Variants in TEF observed in about 807,000 individuals in gnomAD.
TEF encodes the protein TEF transcription factor, PAR bZIP family member.
TEF carries 3 observed loss-of-function variants against 20.8 expected under a neutral mutation model. That is an observed-to-expected ratio of 0.14 (90% CI 0.07 to 0.37). The LOEUF (loss-of-function observed/expected upper bound fraction) is 0.37, where lower values mean the gene tolerates loss of function less well. Ranked by LOEUF, TEF falls within the 10% of genes least tolerant of loss-of-function variation. The pLI is 1.00. For synonymous variants in TEF, 180 were observed against 171.1 expected (o/e 1.05, Z -0.41); for missense variants, 296 against 397.9 (o/e 0.74, Z 2.18).
At chr22:41,376,770 G>A (rs955113762) in intron 1 of TEF, among the ~76,000 whole-genome samples, 15 of 152,180 alleles carry the variant, frequency 9.9e-5, no homozygotes, top group East Asian at 3.8e-4. Flanking sequence ...ACTGCACACC[G>A]TGCCAGGCGG....
Position 41,382,184 on chromosome 22 carries a change from C to G in TEF, c.140C>G (p.Pro47Arg), listed in dbSNP as rs943305825. 18 of 1,204,728 alleles carry G rather than the reference C, an allele frequency of 1.5e-5. No individual in the cohort carries two copies. Among genetic ancestry groups the G allele is most frequent in the East Asian group, 3.4e-5 (1 of 29,672 alleles). The allele number at this position is 1,204,728 out of a possible 1,614,324, so 74.6% of individuals were successfully genotyped here. ...LVLKKLMENPPREARLDKEKG... is the reference protein window; with the variant it reads ...LVLKKLMENPRREARLDKEKG... ...CTGAAGAAGCTGATGGAGAACCCCC[C>G]GCGCGAGGCGCGCCTCGGTGAGGGC... The change falls in exon 1 of 4, where the codon CCG becomes CGG. Residue 47 changes from proline to arginine, a missense_variant. This residue lies in a region of TEF where 102 missense variants were observed against 80.1 expected (regional missense o/e 1.27). Transcript: ENST00000266304.
intron 1 of TEF, chr22:41,369,866 T>G (rs1207966791): frequency 1.0e-6 from 1 of 984,090 alleles, no homozygotes; most frequent in African/African-American, 1.7e-5. Flanking sequence ...GACTTCCTGC[T>G]GCTCCCGTCC....
chr22:41,372,277 C>A (rs1339000344), intron 1 of TEF, among the ~76,000 whole-genome samples: 1 of 152,118 alleles, frequency 6.6e-6, no homozygotes, highest in Non-Finnish European at 1.5e-5. Flanking sequence ...CCCACCCCAT[C>A]CCTTCAGAGA....
upstream of TEF, among the ~76,000 whole-genome samples, chr22:41,381,422 A>G (rs2037019810): frequency 6.6e-6 from 1 of 150,388 alleles, no homozygotes; most frequent in Admixed American, 6.6e-5. Context: ...CCCCGCGACC[A>G]GACTCGGCTG....
At chr22:41,386,373 G>A (rs1382647735) in intron 1 of TEF, among the ~76,000 whole-genome samples, 4 of 152,186 alleles carry the variant, frequency 2.6e-5, no homozygotes, top group East Asian at 1.9e-4. Context: ...CCAGGGAGGC[G>A]GAGGTTGCAG....
chr22:41,378,139 G>GT (rs747776123), upstream of TEF, among the ~76,000 whole-genome samples: 1 of 143,862 alleles, frequency 7.0e-6, no homozygotes, highest in South Asian at 2.2e-4. Flanking sequence ...AAACTAGCAG[G>GT]TTTTTTAAAA....
chr22:41,391,331 C>CTT (rs566421536), intron 2 of TEF, among the ~76,000 whole-genome samples: 27,819 of 142,190 alleles, frequency 0.2, 3,625 homozygotes, highest in Admixed American at 0.39. Context: ...ATCTTCTTTT[C>CTT]TTTTTTTTTT....
In TEF at chr22:41,387,658, G is replaced by A. The variant is rs759766349; in HGVS notation, c.465G>A (p.Val155=). 1.1e-5 allele frequency: 17 copies of A among 1,612,576 alleles called. No individual in the cohort carries two copies. Among genetic ancestry groups the A allele is most frequent in the Non-Finnish European group, 1.4e-5 (16 of 1,179,112 alleles). ...STAIFQPSET[V]SSTESSLEKE... ...CCATCTTTCAGCCCTCTGAAACCGT[G>A]TCCAGCACAGGTTGGTGAAAGGCCA... The change falls in exon 2 of 4, where the codon GTG becomes GTA. Residue 155 remains valine (V), a synonymous_variant. Coordinates refer to ENST00000266304, the MANE Select transcript of TEF (RefSeq NM_003216.4).
chr22:41,369,344 C>A, intron 1 of TEF: 1 of 781,274 alleles, frequency 1.3e-6, no homozygotes, highest in Non-Finnish European at 1.6e-6. Flanking sequence ...CGAGCACTGG[C>A]AAGCTGTGGC....
rs922675098 is a variant in TEF at position 41,381,989 on chromosome 22, C to G, written c.-56C>G. ...GCTGCAGCGGGTCGCACGGCTCCGGCCCATCTCGGGGGGCGGGCGGGGGAG... is the reference window on the plus strand; with the variant it reads ...GCTGCAGCGGGTCGCACGGCTCCGGGCCATCTCGGGGGGCGGGCGGGGGAG... On this transcript the variant is annotated 5_prime_UTR_variant, in exon 1 of 4. Transcript: ENST00000266304. The G allele has an allele frequency of 9.8e-6, 12 of 1,228,678 alleles. No homozygotes were observed. Among genetic ancestry groups the G allele is most frequent in the Non-Finnish European group, 1.2e-5 (12 of 986,124 alleles). 76.1% of individuals were successfully genotyped at this position (1,228,678 alleles called of 1,614,324 possible). A position where few individuals can be genotyped will look rare whatever the true frequency, so the allele number is the denominator to read the frequency against.
At chr22:41,379,619 C>CT (rs1261038766), upstream of TEF, among the ~76,000 whole-genome samples, 2 of 152,138 alleles carry the variant, frequency 1.3e-5, no homozygotes, top group Admixed American at 1.3e-4. Flanking sequence ...AATCCCAGCA[C>CT]TTTGGGATGC....
upstream of TEF, among the ~76,000 whole-genome samples, chr22:41,380,538 G>A (rs1013097156): frequency 6.6e-6 from 1 of 152,122 alleles, no homozygotes; most frequent in Non-Finnish European, 1.5e-5. Context: ...CTGAACCAAG[G>A]ACTATCACTA....
intron 3 of TEF, 39 bp from the exon 4 acceptor site, chr22:41,395,706 G>A: frequency 6.3e-7 from 1 of 1,598,170 alleles, no homozygotes; most frequent in Non-Finnish European, 8.6e-7. Flanking sequence ...TTCTCTCGTG[G>A]GGAAAGACGA....
At chr22:41,367,537 A>T (rs1415485561) in exon 1 of TEF, 1 of 1,551,064 alleles carries the variant, frequency 6.4e-7, no homozygotes, top group Non-Finnish European at 8.7e-7. Flanking sequence ...CCTGCCATGG[A>T]CATGCCTGAG....
At chr22:41,387,043 A>G (rs1423187144) in intron 1 of TEF, among the ~76,000 whole-genome samples, 1 of 152,198 alleles carries the variant, frequency 6.6e-6, no homozygotes, top group Non-Finnish European at 1.5e-5. Context: ...ATACTGTCTC[A>G]AAATAATAAA....
chr22:41,373,484 T>A (rs1016445433), intron 1 of TEF, among the ~76,000 whole-genome samples: 1 of 152,144 alleles, frequency 6.6e-6, no homozygotes, highest in East Asian at 1.9e-4. Flanking sequence ...TTTTCTTTTT[T>A]TTTTAGACGG....
At chr22:41,375,625 G>C (rs2036932024) in intron 1 of TEF, among the ~76,000 whole-genome samples, 1 of 151,676 alleles carries the variant, frequency 6.6e-6, no homozygotes, top group Admixed American at 6.6e-5. Flanking sequence ...TTGGGAGGCT[G>C]AGACAGGAGA....
At chr22:41,388,105 C>G (rs1029785885) in intron 2 of TEF, among the ~76,000 whole-genome samples, 1 of 136,980 alleles carries the variant, frequency 7.3e-6, no homozygotes, top group Non-Finnish European at 1.5e-5. Flanking sequence ...TCAATCAATT[C>G]TCTGCCTCAG....
Position 41,394,182 on chromosome 22 carries a change from G to A in TEF, c.562G>A (p.Ala188Thr), listed in dbSNP as rs765432409. Residue 188 changes from alanine to threonine, a missense_variant, in exon 3 of 4, where the codon GCC becomes ACC. Coordinates refer to ENST00000266304, the MANE Select transcript of TEF (RefSeq NM_003216.4). Reference sequence around the variant, plus strand: ...GGATGTGAACTTCAATCCGGACCCCGCCGACCTGGTGCTCTCCAGTGTGCC... The same window carrying A: ...GGATGTGAACTTCAATCCGGACCCCACCGACCTGGTGCTCTCCAGTGTGCC... Reference protein sequence around the residue: ...EVDVNFNPDPADLVLSSVPGG... With the variant: ...EVDVNFNPDPTDLVLSSVPGG... 23 of 1,614,006 alleles carry A rather than the reference G, an allele frequency of 1.4e-5. No homozygotes were observed. In the African/African-American group the frequency reaches 2.1e-4, roughly 15 times the overall value.
Sources: gnomAD v4.1 joint callset for allele counts (sites outside exome capture counted in the v4.1 genomes callset) on GRCh38, gnomAD v4.1.1 for gene constraint, gnomAD v4.1.1 regional missense constraint, MANE v1.5 for transcripts, NCBI Gene and HGNC (gene_info 2026-07-23, HGNC 2026-07-21) for gene names.